SCYGR3: variants seen among roughly 807,000 people sequenced by gnomAD.
SCYGR3 encodes the protein small cysteine and glycine repeat-containing protein 3.
exon 1 of SCYGR3, chr2:227,614,608 G>A: frequency 7.5e-6 from 3 of 398,600 alleles, no homozygotes; most frequent in Non-Finnish European, 1.3e-5. Flanking sequence ...ACAGCCACAT[G>A]AGCGGCAGGT....
chr2:227,614,689 C>G, exon 1 of SCYGR3: 1 of 398,902 alleles, frequency 2.5e-6, no homozygotes. Context: ...GGGGCAGCAG[C>G]TGGAGCAGCA....
chr2:227,614,583 G>A (rs1693895641), exon 1 of SCYGR3: 3 of 398,806 alleles, frequency 7.5e-6, no homozygotes, highest in Admixed American at 8.8e-5. Flanking sequence ...GCTGGCAACA[G>A]CCCTTCCTAC....
exon 1 of SCYGR3, chr2:227,614,672 G>A (rs889543930): frequency 7.5e-6 from 3 of 398,560 alleles, no homozygotes; most frequent in African/African-American, 2.1e-5. Flanking sequence ...CAGCAGCCGC[G>A]GCAGCAGGGG....
At chr2:227,614,586 C>T (rs1456400215) in exon 1 of SCYGR3, 4 of 398,682 alleles carry the variant, frequency 1.0e-5, no homozygotes, top group Non-Finnish European at 1.8e-5. Flanking sequence ...GGCAACAGCC[C>T]TTCCTACAGC....
rs1337750350 is a variant in SCYGR3, at chr2:227,614,778, ACCACCGCAG to A, written c.54_62del (p.Cys19_Gly21del). The A allele has an allele frequency of 2.5e-4, 100 of 406,736 alleles. 2 individuals are homozygous for A. Among genetic ancestry groups the A allele is most frequent in the Non-Finnish European group, 6.9e-5 (16 of 232,544 alleles). 25.2% of individuals were successfully genotyped at this position (406,736 alleles called of 1,614,324 possible). A position where few individuals can be genotyped will look rare whatever the true frequency, so the allele number is the denominator to read the frequency against. On this transcript the variant is annotated inframe_deletion, in exon 1 of 1. Coordinates refer to ENST00000642029, the Ensembl canonical transcript of SCYGR3. ...CACCACCGCAGCCACCACCGCAGCC[ACCACCGCAG>A]CCACCACAGCCACCACCACAGCCAC...
At chr2:227,614,766 A>T (rs970955560) in exon 1 of SCYGR3, 1 of 405,380 alleles carries the variant, frequency 2.5e-6, no homozygotes, top group Non-Finnish European at 4.3e-6. Flanking sequence ...CACCGCAGCC[A>T]CCACCGCAGC....
chr2:227,614,553 C>A (rs1346223780), exon 1 of SCYGR3: 10 of 398,692 alleles, frequency 2.5e-5, no homozygotes, highest in Middle Eastern at 6.2e-4. Context: ...AGCAGCATTG[C>A]TTCTGGCAGC....
chr2:227,614,660 C>T lies in SCYGR3; in HGVS notation c.181G>A (p.Gly61Arg), dbSNP rs1259415299. ...ATCACAGGTGTGCTGCAACAGCCTCCACAGCAGCCGCGGCAGCAGGGGCAG... is the reference window on the plus strand; with the variant it reads ...ATCACAGGTGTGCTGCAACAGCCTCTACAGCAGCCGCGGCAGCAGGGGCAG... The change falls in exon 1 of 1, where the codon GGA becomes AGA. Residue 61 changes from glycine to arginine, a missense_variant. Physicochemically the swap from Gly to Arg is moderately radical, Grantham distance 125. Transcript: ENST00000642029. 6 of 398,860 alleles carry T rather than the reference C, an allele frequency of 1.5e-5. No homozygotes were observed. In the East Asian group the frequency reaches 1.8e-4, roughly 12 times the overall value. The allele number at this position is 398,860 out of a possible 1,614,324, so 24.7% of individuals were successfully genotyped here.
exon 1 of SCYGR3, chr2:227,614,670 G>A (rs1049910496): frequency 1.8e-5 from 7 of 398,666 alleles, no homozygotes; most frequent in Non-Finnish European, 2.7e-5. Context: ...CACAGCAGCC[G>A]CGGCAGCAGG....
exon 1 of SCYGR3, chr2:227,614,631 G>A (rs924054676): frequency 1.0e-5 from 4 of 398,654 alleles, no homozygotes; most frequent in Admixed American, 4.4e-5. Context: ...GGCGGCAGCA[G>A]CAGATCACAG....
chr2:227,614,639 C>T lies in SCYGR3; in HGVS notation c.202G>A (p.Val68Met), dbSNP rs1171483240. ...CAGGTGCGGCGGCAGCAGCAGATCACAGGTGTGCTGCAACAGCCTCCACAG... is the reference window on the plus strand; with the variant it reads ...CAGGTGCGGCGGCAGCAGCAGATCATAGGTGTGCTGCAACAGCCTCCACAG... Residue 68 changes from valine to methionine, a missense_variant, in exon 1 of 1, where the codon GTG becomes ATG. By Grantham distance (21) the Val-to-Met change is conservative (BLOSUM62 1). Coordinates refer to ENST00000642029, the Ensembl canonical transcript of SCYGR3. 2.3e-5 allele frequency: 9 copies of T among 398,754 alleles called. No individual in the cohort carries two copies. In the East Asian group the frequency reaches 3.2e-4, roughly 14 times the overall value. The allele number at this position is 398,754 out of a possible 1,614,324, so 24.7% of individuals were successfully genotyped here. A position where few individuals can be genotyped will look rare whatever the true frequency, so the allele number is the denominator to read the frequency against.
exon 1 of SCYGR3, chr2:227,614,692 GAGC>G (rs1371277614): frequency 2.5e-6 from 1 of 398,794 alleles, no homozygotes; most frequent in African/African-American, 2.1e-5. Flanking sequence ...GCAGCAGCTG[GAGC>G]AGCAGCCCAC....
exon 1 of SCYGR3, chr2:227,614,780 C>G: frequency 2.5e-6 from 1 of 407,214 alleles, no homozygotes; most frequent in South Asian, 1.2e-4. Context: ...CCGCAGCCAC[C>G]ACCGCAGCCA....
exon 1 of SCYGR3, chr2:227,614,671 C>T (rs1383475233): frequency 1.3e-5 from 5 of 398,728 alleles, no homozygotes; most frequent in Admixed American, 4.4e-5. Context: ...ACAGCAGCCG[C>T]GGCAGCAGGG....
At chr2:227,614,619 G>A (rs918107152) in exon 1 of SCYGR3, 5 of 398,596 alleles carry the variant, frequency 1.3e-5, no homozygotes, top group African/African-American at 2.1e-5. Flanking sequence ...AGCGGCAGGT[G>A]CGGCGGCAGC....
chr2:227,614,778 A>C, exon 1 of SCYGR3: 1 of 406,854 alleles, frequency 2.5e-6, no homozygotes, highest in Non-Finnish European at 4.3e-6. Flanking sequence ...CACCGCAGCC[A>C]CCACCGCAGC....
chr2:227,614,835 G>A (rs771561766), exon 1 of SCYGR3: 17 of 404,174 alleles, frequency 4.2e-5, no homozygotes, highest in Middle Eastern at 6.0e-4. Context: ...AACCACAGCA[G>A]CCCATGGTGT....
exon 1 of SCYGR3, chr2:227,614,719 C>T: frequency 5.0e-6 from 2 of 399,964 alleles, no homozygotes; most frequent in South Asian, 2.5e-4. Flanking sequence ...GTAGCACCTG[C>T]AGGTGGTGCA....
chr2:227,614,623 C>G (rs572957093), exon 1 of SCYGR3: 1 of 398,740 alleles, frequency 2.5e-6, no homozygotes, highest in African/African-American at 2.1e-5. Flanking sequence ...GCAGGTGCGG[C>G]GGCAGCAGCA....
Sources: gnomAD v4.1 joint callset for allele counts on GRCh38, gnomAD v4.1.1 for gene constraint, MANE v1.5 for transcripts, NCBI Gene and HGNC (gene_info 2026-07-23, HGNC 2026-07-21) for gene names.